The following DCLRE1C variants were observed in gnomAD, a reference collection of about 807,000 sequenced individuals.
The protein encoded by DCLRE1C is protein artemis.
Under a neutral mutation model 61.4 loss-of-function variants are expected in DCLRE1C, and 47 were observed. The observed-to-expected ratio is 0.77, with a 90% CI of 0.61 to 0.98. The LOEUF is 0.98. DCLRE1C is among the 50% of genes least tolerant of loss of function. The pLI is 0.00. For missense variants in DCLRE1C, 858 were observed against 816.0 expected (o/e 1.05, Z -0.63); for synonymous variants, 337 against 287.6 (o/e 1.17, Z -1.74).
chr10:14,911,307 CATAT>C (rs1835214859), intron 13 of DCLRE1C: 1 of 152,136 alleles, frequency 6.6e-6, no homozygotes, highest in Admixed American at 6.5e-5. Context: ...GAAAATTAAC[CATAT>C]ACTAAATGCT....
Position 14,928,024 on chromosome 10 carries a change from T to G in DCLRE1C, c.909A>C (p.Val303=), listed in dbSNP as rs1194563521. Residue 303 remains valine, a synonymous_variant, in exon 10 of 14, where the codon GTA becomes GTC. Transcript: ENST00000378278. ...TGATATTGCTCTCTTACCTCACAAT[T>G]ACATTTGTTTTTCTGCTCCTTTCTC... The part of the protein sequence containing the change: ...WFGERSRKTN[V]IVRTGESSYR... The G allele has an allele frequency of 1.5e-5, 24 of 1,613,768 alleles. No individual in the cohort carries two copies. Among genetic ancestry groups the G allele is most frequent in the African/African-American group, 2.7e-5 (2 of 74,928 alleles).
chr10:14,900,605 A>G (rs1447769286), downstream of DCLRE1C, among the ~76,000 whole-genome samples: 1 of 152,188 alleles, frequency 6.6e-6, no homozygotes, highest in Non-Finnish European at 1.5e-5. Context: ...ATGACTCACT[A>G]CATCTTTTTT....
upstream of DCLRE1C, chr10:14,954,168 A>C: frequency 1.5e-6 from 2 of 1,292,582 alleles, no homozygotes; most frequent in East Asian, 2.5e-5. Flanking sequence ...CCGGGGGCAA[A>C]GTCAAGGAGC....
At chr10:14,928,719 A>G (rs997206246) in intron 9 of DCLRE1C, among the ~76,000 whole-genome samples, 10 of 151,998 alleles carry the variant, frequency 6.6e-5, no homozygotes, top group Admixed American at 1.3e-4. Flanking sequence ...GGTTATAAGT[A>G]CAGAGACAGA....
chr10:14,908,882 C>T lies in DCLRE1C; in HGVS notation c.1605G>A (p.Gln535=), dbSNP rs1029319156. The T allele has an allele frequency of 1.2e-6, 2 of 1,614,172 alleles. No individual in the cohort carries two copies. Among genetic ancestry groups the T allele is most frequent in the Non-Finnish European group, 1.7e-6 (2 of 1,180,022 alleles). ...SDGESTHISS[Q]NSSQSTHITE... is the part of the protein sequence containing the mutation. ...TTATGTGTGTTGACTGGGAAGAATT[C>T]TGGGAGGAGATGTGAGTTGATTCTC... Residue 535 remains glutamine (Q), a synonymous_variant, in exon 14 of 14, where the codon CAG becomes CAA. Coordinates refer to ENST00000378278, the MANE Select transcript of DCLRE1C (RefSeq NM_001033855.3).
At chr10:14,927,952 T>G in intron 10 of DCLRE1C, 64 bp downstream of exon 10, 1 of 1,535,706 alleles carries the variant, frequency 6.5e-7, no homozygotes, top group Non-Finnish European at 9.0e-7. Context: ...TGTGCTTAAA[T>G]GAAATTAAAT....
chr10:14,920,393 C>T (rs41299702), intron 12 of DCLRE1C: 2 of 1,013,290 alleles, frequency 2.0e-6, no homozygotes, highest in East Asian at 1.9e-4. Context: ...TTTCGAAGGC[C>T]TCACTGCCAA....
intron 13 of DCLRE1C, among the ~76,000 whole-genome samples, chr10:14,916,155 T>C (rs1376969125): frequency 6.6e-6 from 1 of 152,208 alleles, no homozygotes; most frequent in Non-Finnish European, 1.5e-5. Context: ...ATGAACTTAA[T>C]GGTGAAACAA....
At chr10:14,934,885 T>C in intron 6 of DCLRE1C, 110 bp from the exon 7 acceptor site, 1 of 790,122 alleles carries the variant, frequency 1.3e-6, no homozygotes, top group South Asian at 1.4e-5. Flanking sequence ...TGAAGTGCAA[T>C]GTCTGCTCAC....
chr10:14,918,111 T>G (rs1836506091), intron 13 of DCLRE1C, among the ~76,000 whole-genome samples: 1 of 152,238 alleles, frequency 6.6e-6, no homozygotes, highest in South Asian at 2.1e-4. Context: ...GGCAGTTTCT[T>G]AAAGATACAG....
At chr10:14,936,172 G>T (rs1839876387) in intron 5 of DCLRE1C, among the ~76,000 whole-genome samples, 1 of 152,096 alleles carries the variant, frequency 6.6e-6, no homozygotes, top group Non-Finnish European at 1.5e-5. Flanking sequence ...GGGATTACAG[G>T]TGTGAGCCAC....
chr10:14,909,266 G>A lies in DCLRE1C; in HGVS notation c.1221C>T (p.Tyr407=), dbSNP rs1296189593. ...LPIPLRHKVP[Y]PETFHPEVFS... ...ATACCTCAGGGTGAAAAGTTTCCGG[G>A]TATGGAACTTTGTGCCTTAAAGGTA... The change falls in exon 14 of 14, where the codon TAC becomes TAT. Residue 407 remains tyrosine, a synonymous_variant. Coordinates refer to ENST00000378278, the MANE Select transcript of DCLRE1C (RefSeq NM_001033855.3). 3 of 1,613,814 alleles carry A rather than the reference G, an allele frequency of 1.9e-6. No individual in the cohort carries two copies. The highest frequency in any genetic ancestry group is 1.7e-5 in the Admixed American group (1 of 59,964).
At chr10:14,916,479 T>C (rs1836212609) in intron 13 of DCLRE1C, among the ~76,000 whole-genome samples, 1 of 152,212 alleles carries the variant, frequency 6.6e-6, no homozygotes, top group Non-Finnish European at 1.5e-5. Flanking sequence ...AAATCCTTAT[T>C]GCAGCATTTT....
At chr10:14,940,913 C>T (rs556630157) in intron 3 of DCLRE1C, among the ~76,000 whole-genome samples, 3 of 152,360 alleles carry the variant, frequency 2.0e-5, no homozygotes, top group East Asian at 1.9e-4. Flanking sequence ...GATAGGGTCT[C>T]GCTCTGTCGC....
chr10:14,920,471 A>C (rs1249058953), intron 12 of DCLRE1C: 1 of 990,256 alleles, frequency 1.0e-6, no homozygotes, highest in Non-Finnish European at 1.2e-6. Context: ...GAACAGGGCC[A>C]TGAGGTGCCC....
intron 11 of DCLRE1C, 39 bp from the exon 12 acceptor site, chr10:14,923,108 G>A (rs559213129): frequency 9.3e-5 from 136 of 1,466,064 alleles, no homozygotes; most frequent in African/African-American, 1.8e-4. Context: ...CAATCTCTAC[G>A]ATGAAACAGG....
chr10:14,950,367 A>T (rs907715851), intron 1 of DCLRE1C, among the ~76,000 whole-genome samples: 1 of 151,620 alleles, frequency 6.6e-6, no homozygotes, highest in East Asian at 1.9e-4. Context: ...CAAAAAAAAA[A>T]AAAAAAAAAC....
At chr10:14,913,048 G>C (rs941974744) in intron 13 of DCLRE1C, among the ~76,000 whole-genome samples, 4 of 151,518 alleles carry the variant, frequency 2.6e-5, no homozygotes, top group African/African-American at 9.7e-5. Context: ...GTAGAGACGG[G>C]GTTTCACCGT....
chr10:14,945,039 G>C (rs1490746884), intron 3 of DCLRE1C, 66 bp downstream of exon 3: 1 of 1,263,636 alleles, frequency 7.9e-7, no homozygotes, highest in Non-Finnish European at 1.1e-6. Context: ...CAAAGTTTTT[G>C]TCAATCTACC....
Sources: gnomAD v4.1 joint callset for allele counts (sites outside exome capture counted in the v4.1 genomes callset) on GRCh38, gnomAD v4.1.1 for gene constraint, MANE v1.5 for transcripts, NCBI Gene and HGNC (gene_info 2026-07-23, HGNC 2026-07-21) for gene names.